PLA2G4A: variants seen among roughly 807,000 people sequenced by gnomAD.
PLA2G4A encodes the protein cytosolic phospholipase A2.
A neutral mutation model predicts 81.9 loss-of-function variants in PLA2G4A; 40 were observed. The observed-to-expected ratio is 0.49, with a 90% CI of 0.38 to 0.64. PLA2G4A has a LOEUF of 0.64. PLA2G4A is among the 30% of genes least tolerant of loss of function. The pLI is 0.00. For synonymous variants in PLA2G4A, 302 were observed against 296.9 expected, an observed-to-expected ratio of 1.02 and a Z score of -0.18; for missense variants, 715 against 905.1, an observed-to-expected ratio of 0.79 and a Z score of 2.69.
intron 7 of PLA2G4A, among the ~76,000 whole-genome samples, chr1:186,916,932 G>A (rs532346340): frequency 2.0e-5 from 3 of 152,240 alleles, no homozygotes; most frequent in African/African-American, 7.2e-5. Flanking sequence ...TCATGCTTCG[G>A]CTGTGCATAG....
chr1:186,968,896 G>A (rs1471318645), intron 15 of PLA2G4A, among the ~76,000 whole-genome samples: 6 of 14,842 alleles, frequency 4.0e-4, no homozygotes, highest in African/African-American at 7.1e-4. Context: ...TATTAAAGAC[G>A]AAGTAAAAAA....
At chr1:186,975,036 G>A (rs1219806107) in intron 15 of PLA2G4A, among the ~76,000 whole-genome samples, 1 of 152,142 alleles carries the variant, frequency 6.6e-6, no homozygotes, top group African/African-American at 2.4e-5. Context: ...ATACCCTTGA[G>A]TCATGTTTGT....
At chr1:186,875,832 AAT>A (rs1653476930) in intron 3 of PLA2G4A, among the ~76,000 whole-genome samples, 1 of 152,086 alleles carries the variant, frequency 6.6e-6, no homozygotes, top group South Asian at 2.1e-4. Context: ...CTCATGGTGT[AAT>A]ATGTTTCCAC....
Position 186,870,524 on chromosome 1 carries a change from C to T in PLA2G4A, c.115+8C>T, listed in dbSNP as rs1281838322. The T allele has an allele frequency of 3.2e-6, 5 of 1,565,696 alleles. No homozygotes were observed. The highest frequency in any genetic ancestry group is 1.7e-5 in the Admixed American group (1 of 59,752). ...GGGCCTTTGGTGACATGCGTAAGTGCCCTTTTTTTCTTTGCTGTTAAACAT... is the reference window on the plus strand; with the variant it reads ...GGGCCTTTGGTGACATGCGTAAGTGTCCTTTTTTTCTTTGCTGTTAAACAT... On this transcript the variant is annotated splice_region_variant and intron_variant, in intron 3 of 17. Transcript: ENST00000367466.
At chr1:186,984,552 T>A (rs1657831825) in intron 17 of PLA2G4A, among the ~76,000 whole-genome samples, 1 of 152,224 alleles carries the variant, frequency 6.6e-6, no homozygotes, top group Non-Finnish European at 1.5e-5. Context: ...TACATCCATA[T>A]CCAGAAATAC....
chr1:186,954,414 G>A (rs2102251830), intron 13 of PLA2G4A, among the ~76,000 whole-genome samples: 1 of 152,130 alleles, frequency 6.6e-6, no homozygotes, highest in South Asian at 2.1e-4. Flanking sequence ...ACCGGGTGGG[G>A]AACATCACAC....
intron 1 of PLA2G4A, among the ~76,000 whole-genome samples, chr1:186,846,636 A>G (rs920352388): frequency 1.3e-5 from 2 of 152,076 alleles, no homozygotes; most frequent in African/African-American, 4.8e-5. Context: ...TATACATTCA[A>G]TTTTATCCGG....
At chr1:186,914,226 A>T (rs1289870764) in intron 7 of PLA2G4A, among the ~76,000 whole-genome samples, 1 of 151,984 alleles carries the variant, frequency 6.6e-6, no homozygotes, top group Admixed American at 6.6e-5. Flanking sequence ...AGTAGCCAGG[A>T]CTATGCGTGC....
chr1:186,965,506 C>T lies in PLA2G4A; in HGVS notation c.1677C>T (p.Pro559=). 1.2e-6 allele frequency: 2 copies of T among 1,611,982 alleles called. No individual in the cohort carries two copies. The highest frequency in any genetic ancestry group is 8.5e-7 in the Non-Finnish European group (1 of 1,178,012). Residue 559 remains proline (P), a synonymous_variant, in exon 15 of 18, where the codon CCC becomes CCT. Coordinates refer to ENST00000367466, the MANE Select transcript of PLA2G4A (RefSeq NM_024420.3). ...GGCTCACATTTAACCTGCCGTATCCCTTGATACTGAGACCTCAGAGAGGGG... is the reference window on the plus strand; with the variant it reads ...GGCTCACATTTAACCTGCCGTATCCTTTGATACTGAGACCTCAGAGAGGGG... ...DSGLTFNLPY[P]LILRPQRGVD...
intron 1 of PLA2G4A, among the ~76,000 whole-genome samples, chr1:186,851,174 GA>G (rs1553268440): frequency 6.6e-6 from 1 of 151,946 alleles, no homozygotes; most frequent in Non-Finnish European, 1.5e-5. Context: ...CTTCAATAAA[GA>G]AAATAATTGG....
At chr1:186,850,645 C>T (rs1241722374) in intron 1 of PLA2G4A, among the ~76,000 whole-genome samples, 1 of 152,008 alleles carries the variant, frequency 6.6e-6, no homozygotes, top group African/African-American at 2.4e-5. Flanking sequence ...GCCATAAGTC[C>T]CAGAAGATGC....
intron 16 of PLA2G4A, among the ~76,000 whole-genome samples, chr1:186,978,573 G>T (rs541368343): frequency 1.3e-5 from 2 of 152,262 alleles, no homozygotes; most frequent in South Asian, 4.2e-4. Flanking sequence ...GGAGAAGGTG[G>T]AAATCTGACA....
intron 15 of PLA2G4A, among the ~76,000 whole-genome samples, chr1:186,973,204 C>A (rs1485699134): frequency 1.3e-5 from 2 of 152,218 alleles, no homozygotes. Context: ...AAGGCATCAA[C>A]AGGGATGTCC....
At chr1:186,967,957 A>G (rs1657191569) in intron 15 of PLA2G4A, among the ~76,000 whole-genome samples, 1 of 152,142 alleles carries the variant, frequency 6.6e-6, no homozygotes, top group South Asian at 2.1e-4. Context: ...TAACATTAAG[A>G]GACATGTATT....
intron 3 of PLA2G4A, among the ~76,000 whole-genome samples, chr1:186,879,161 C>A (rs1653633740): frequency 6.6e-6 from 1 of 151,842 alleles, no homozygotes; most frequent in Admixed American, 6.6e-5. Flanking sequence ...TCTCACTCCT[C>A]ACTTAATATA....
At chr1:186,844,145 G>C (rs967568354) in intron 1 of PLA2G4A, among the ~76,000 whole-genome samples, 1 of 152,178 alleles carries the variant, frequency 6.6e-6, no homozygotes, top group African/African-American at 2.4e-5. Context: ...GTGTCTGGAG[G>C]CATGCTGTTA....
chr1:186,856,731 G>T (rs142379212), intron 2 of PLA2G4A, among the ~76,000 whole-genome samples: 1 of 151,878 alleles, frequency 6.6e-6, no homozygotes, highest in Non-Finnish European at 1.5e-5. Context: ...TCACTCTGGA[G>T]TACATAACAG....
At chr1:186,839,811 C>A (rs1651914254) in intron 1 of PLA2G4A, among the ~76,000 whole-genome samples, 1 of 151,956 alleles carries the variant, frequency 6.6e-6, no homozygotes, top group Admixed American at 6.6e-5. Flanking sequence ...TTCCTCTCTC[C>A]TCAAAAATTT....
At chr1:186,910,900 C>G (rs1654914150) in intron 6 of PLA2G4A, among the ~76,000 whole-genome samples, 1 of 152,164 alleles carries the variant, frequency 6.6e-6, no homozygotes, top group South Asian at 2.1e-4. Context: ...AATTCTTGGT[C>G]AAGTAAGTTT....
Sources: gnomAD v4.1 joint callset for allele counts (sites outside exome capture counted in the v4.1 genomes callset) on GRCh38, gnomAD v4.1.1 for gene constraint, MANE v1.5 for transcripts, NCBI Gene and HGNC (gene_info 2026-07-23, HGNC 2026-07-21) for gene names.